Variants in TRMT9B observed in about 807,000 individuals in gnomAD.
TRMT9B encodes the protein tRNA methyltransferase 9B (putative), also known as probable tRNA methyltransferase 9B.
In TRMT9B, 16 loss-of-function variants were observed where a neutral mutation model predicts 11.5. The ratio of observed to expected loss-of-function variants is 1.39; its 90% CI spans 0.94 to 2.11. TRMT9B has a LOEUF of 2.11. Ranked by LOEUF, TRMT9B falls within the 30% of genes most tolerant of loss-of-function variation. The pLI, the probability that TRMT9B is intolerant of heterozygous loss-of-function variation, is 0.00. For synonymous variants in TRMT9B, 274 were observed against 192.4 expected, an observed-to-expected ratio of 1.42 and a Z score of -3.51; for missense variants, 941 against 553.8, an observed-to-expected ratio of 1.70 and a Z score of -7.02.
At chr8:13,005,010 C>G (rs1225034842) in intron 2 of TRMT9B, among the ~76,000 whole-genome samples, 2 of 150,798 alleles carry the variant, frequency 1.3e-5, no homozygotes, top group Non-Finnish European at 2.9e-5. Context: ...CCTGGGGGAA[C>G]TTGCTACAGA....
intron 1 of TRMT9B, among the ~76,000 whole-genome samples, chr8:12,965,075 T>C (rs1000221864): frequency 6.6e-6 from 1 of 152,244 alleles, no homozygotes; most frequent in African/African-American, 2.4e-5. Context: ...GCTTAAAATG[T>C]CAAACACATT....
intron 1 of TRMT9B, chr8:12,958,902 C>G (rs1232976032): frequency 6.6e-6 from 1 of 152,228 alleles, no homozygotes; most frequent in Non-Finnish European, 1.5e-5. Context: ...AATGAGAACA[C>G]TTGGACACAG....
At chr8:12,976,575 A>G (rs1321930710) in intron 1 of TRMT9B, among the ~76,000 whole-genome samples, 1 of 152,154 alleles carries the variant, frequency 6.6e-6, no homozygotes, top group African/African-American at 2.4e-5. Context: ...CCCTGTCTCT[A>G]CTAAAAATAC....
chr8:12,992,015 C>T (rs1382123320), intron 2 of TRMT9B, among the ~76,000 whole-genome samples: 2 of 152,172 alleles, frequency 1.3e-5, no homozygotes, highest in African/African-American at 2.4e-5. Context: ...TTGCTTTCCT[C>T]CAAGTGCCCA....
At position 12,991,014 on chromosome 8, in the gene TRMT9B, A is replaced by C; in HGVS notation, c.-19A>C. 7.9e-7 allele frequency: 1 copy of C among 1,270,320 alleles called. No individual in the cohort carries two copies. The highest frequency in any genetic ancestry group is 1.0e-6 in the Non-Finnish European group (1 of 978,072). The allele number at this position is 1,270,320 out of a possible 1,614,324, so 78.7% of individuals were successfully genotyped here. ...CAAAGACAAGAGGTAATTTTCCTGTAATCACAGGATGACTCAGGTTAGTAG... is the reference window on the plus strand; with the variant it reads ...CAAAGACAAGAGGTAATTTTCCTGTCATCACAGGATGACTCAGGTTAGTAG... On this transcript the variant is annotated 5_prime_UTR_variant, in exon 2 of 5. Coordinates refer to ENST00000524591, the MANE Select transcript of TRMT9B (RefSeq NM_020844.3).
chr8:12,952,744 T>A, intron 1 of TRMT9B: 1 of 941,846 alleles, frequency 1.1e-6, no homozygotes. Flanking sequence ...GTGTGGGGTT[T>A]TTTTTGTTGT....
chr8:13,012,347 C>T, intron 3 of TRMT9B: 4 of 879,706 alleles, frequency 4.5e-6, no homozygotes, highest in Non-Finnish European at 5.5e-6. Context: ...GAGGCCGAGG[C>T]AGGCGGATCA....
Position 13,023,022 on chromosome 8 carries a change from TGTAAGGA to T in TRMT9B, c.*981_*987del, listed in dbSNP as rs1814203719. ...AATAATAATAAAGGCGTTGTTAGCT[TGTAAGGA>T]GTGGAGTATGTAGGTAGTAGGAGTT... is the stretch of plus-strand genomic sequence containing the variant. On this transcript the variant is annotated 3_prime_UTR_variant, in exon 5 of 5. Transcript: ENST00000524591. The T allele has an allele frequency of 6.0e-6, 1 of 166,908 alleles. No homozygotes were observed. Among genetic ancestry groups the T allele is most frequent in the Admixed American group, 6.5e-5 (1 of 15,282 alleles). 10.3% of individuals were successfully genotyped at this position (166,908 alleles called of 1,614,324 possible). A position where few individuals can be genotyped will look rare whatever the true frequency, so the allele number is the denominator to read the frequency against.
chr8:12,986,082 A>C (rs565475648), intron 1 of TRMT9B, among the ~76,000 whole-genome samples: 1 of 152,156 alleles, frequency 6.6e-6, no homozygotes, highest in African/African-American at 2.4e-5. Context: ...AGCTGGTCTT[A>C]AACTCCTGAC....
chr8:13,006,175 G>T, intron 2 of TRMT9B, 27 bp from the exon 3 acceptor site: 1 of 1,611,468 alleles, frequency 6.2e-7, no homozygotes, highest in Non-Finnish European at 8.5e-7. Context: ...TGACCTGCAT[G>T]CCTTGGGTTG....
chr8:12,956,233 A>G (rs1801293217), intron 1 of TRMT9B, among the ~76,000 whole-genome samples: 1 of 152,198 alleles, frequency 6.6e-6, no homozygotes, highest in Non-Finnish European at 1.5e-5. Flanking sequence ...ACAATCCATC[A>G]TGCCTAACAC....
chr8:13,002,940 C>T (rs1352155252), intron 2 of TRMT9B, among the ~76,000 whole-genome samples: 2 of 152,092 alleles, frequency 1.3e-5, no homozygotes, highest in East Asian at 1.9e-4. Flanking sequence ...CTCCCTTCCC[C>T]AGCTCCTCAG....
Position 12,991,019 on chromosome 8 carries a change from C to T in TRMT9B, c.-14C>T. 2 of 1,262,186 alleles carry T rather than the reference C, an allele frequency of 1.6e-6. No homozygotes were observed. Among genetic ancestry groups the T allele is most frequent in the Non-Finnish European group, 2.1e-6 (2 of 974,170 alleles). 78.2% of individuals were successfully genotyped at this position (1,262,186 alleles called of 1,614,324 possible). A position where few individuals can be genotyped will look rare whatever the true frequency, so the allele number is the denominator to read the frequency against. ...ACAAGAGGTAATTTTCCTGTAATCA[C>T]AGGATGACTCAGGTTAGTAGCTTTC... is the stretch of plus-strand genomic sequence containing the variant. On this transcript the variant is annotated 5_prime_UTR_variant, in exon 2 of 5. Transcript: ENST00000524591.
intron 2 of TRMT9B, among the ~76,000 whole-genome samples, chr8:13,000,668 T>C (rs1809259918): frequency 6.6e-6 from 1 of 152,228 alleles, no homozygotes. Flanking sequence ...GTTTTAAGGT[T>C]ACCTCGTAAG....
In TRMT9B at chr8:13,021,066, G is replaced by A. The variant is rs1463497316; in HGVS notation, c.387G>A (p.Arg129=). 1.3e-6 allele frequency: 2 copies of A among 1,597,482 alleles called. No individual in the cohort carries two copies. Among genetic ancestry groups the A allele is most frequent in the East Asian group, 2.2e-5 (1 of 44,704 alleles). The change falls in exon 5 of 5, where the codon AGG becomes AGA. Residue 129 remains arginine, a synonymous_variant. Coordinates refer to ENST00000524591, the MANE Select transcript of TRMT9B (RefSeq NM_020844.3). The stretch of plus-strand genomic sequence containing the variant: ...TCAGAGCAATAAAAGAAATGGCCAG[G>A]GTCTTAGTTCCCGGAGGCCAACTGA... ...RRIRAIKEMA[R]VLVPGGQLMI...
At chr8:12,997,575 C>G (rs1000641878) in intron 2 of TRMT9B, among the ~76,000 whole-genome samples, 2 of 152,274 alleles carry the variant, frequency 1.3e-5, no homozygotes, top group Admixed American at 1.3e-4. Context: ...TGGTTGCAAA[C>G]TTCCATGCTA....
At chr8:12,974,011 T>A (rs34330200) in intron 1 of TRMT9B, among the ~76,000 whole-genome samples, 52,621 of 150,676 alleles carry the variant, frequency 0.35, 9,483 homozygotes, top group East Asian at 0.6. Flanking sequence ...ATATTAAAAT[T>A]TTTTTTTTAA....
At chr8:13,013,845 A>G (rs956059973) in intron 4 of TRMT9B, among the ~76,000 whole-genome samples, 2 of 152,212 alleles carry the variant, frequency 1.3e-5, no homozygotes, top group Non-Finnish European at 2.9e-5. Context: ...GCTACTCAGG[A>G]GGCTGAGGCA....
At chr8:12,962,782 C>T (rs1309680438) in intron 1 of TRMT9B, among the ~76,000 whole-genome samples, 2 of 152,120 alleles carry the variant, frequency 1.3e-5, no homozygotes, top group Non-Finnish European at 2.9e-5. Context: ...TGAGCCACTG[C>T]GCCTGGCCAG....
Sources: allele counts gnomAD v4.1 joint callset (sites outside exome capture counted in the v4.1 genomes callset), GRCh38; gene constraint gnomAD v4.1.1; transcripts MANE v1.5; gene names NCBI Gene and HGNC (gene_info 2026-07-23, HGNC 2026-07-21).